Variants in NBPF11 observed in about 807,000 individuals in gnomAD.
NBPF11 encodes NBPF family member NBPF11.
Under a neutral mutation model 93.9 loss-of-function variants are expected in NBPF11, and 72 were observed. The ratio of observed to expected loss-of-function variants is 0.77; its 90% CI spans 0.63 to 0.93. NBPF11 has a LOEUF of 0.93. Ranked by LOEUF, NBPF11 falls within the 40% of genes least tolerant of loss-of-function variation. NBPF11 has a pLI of 0.00. For synonymous variants in NBPF11, 224 were observed against 304.9 expected, an observed-to-expected ratio of 0.73 and a Z score of 2.76; for missense variants, 705 against 802.2, an observed-to-expected ratio of 0.88 and a Z score of 1.46.
Position 148,124,888 on chromosome 1 carries a change from G to T in NBPF11, c.278+11C>A. 1 of 1,608,148 alleles carries T rather than the reference G, an allele frequency of 6.2e-7. No homozygotes were observed. Among genetic ancestry groups the T allele is most frequent in the African/African-American group, 1.3e-5 (1 of 74,878 alleles). On this transcript the variant is annotated intron_variant, in intron 6 of 23. Transcript: ENST00000682118. ...CCTACCTGCCTGTCTCCCCCTACGG[G>T]GTCCCCTCACCTGAGCTCCTCAGCT...
chr1:148,109,675 C>G (rs1207401530), intron 16 of NBPF11, among the ~76,000 whole-genome samples: 1 of 135,658 alleles, frequency 7.4e-6, no homozygotes, highest in East Asian at 2.0e-4. Flanking sequence ...TAAGCTTTCT[C>G]TCATCAAATA....
chr1:148,125,169 AT>A (rs1668809310), intron 5 of NBPF11, among the ~76,000 whole-genome samples, 168 bp from the exon 6 acceptor site: 1 of 152,014 alleles, frequency 6.6e-6, no homozygotes, highest in Admixed American at 6.5e-5. Context: ...ACTTTCTGGC[AT>A]CTGATCCTCC....
intron 14 of NBPF11, among the ~76,000 whole-genome samples, chr1:148,114,822 A>G (rs1553269137): frequency 6.6e-6 from 1 of 150,600 alleles, no homozygotes; most frequent in Non-Finnish European, 1.5e-5. Context: ...GACTTATATC[A>G]CCAGGTAACA....
chr1:148,152,077 C>T lies in NBPF11; in HGVS notation c.-876G>A, dbSNP rs1199597034. ...CCTCTACCGCACAGCGGGTTCGGGC[C>T]GCGGGCCGAGAAAAGGAGTAATGGA... On this transcript the variant is annotated 5_prime_UTR_variant, in exon 1 of 24. Transcript: ENST00000682118. The T allele has an allele frequency of 1.3e-5, 2 of 152,254 alleles. No homozygotes were observed. The highest frequency in any genetic ancestry group is 4.8e-5 in the African/African-American group (2 of 41,426). 9.4% of individuals were successfully genotyped at this position (152,254 alleles called of 1,614,324 possible).
intron 5 of NBPF11, 82 bp from the exon 6 acceptor site, chr1:148,125,083 C>T: frequency 1.1e-6 from 1 of 870,834 alleles, no homozygotes; most frequent in Non-Finnish European, 1.9e-6. Flanking sequence ...GGAGCCAGGT[C>T]CATCCCAAGG....
chr1:148,114,804 G>A (rs1373766017), intron 14 of NBPF11, among the ~76,000 whole-genome samples: 1 of 149,028 alleles, frequency 6.7e-6, no homozygotes, highest in Non-Finnish European at 1.5e-5. Context: ...GAGTGTTGCT[G>A]CAATACGGAC....
At chr1:148,142,112 A>T (rs1257057370) in intron 2 of NBPF11, among the ~76,000 whole-genome samples, 1 of 147,854 alleles carries the variant, frequency 6.8e-6, no homozygotes, top group East Asian at 2.1e-4. Flanking sequence ...GAGGGAGGGA[A>T]AGAATAAAGA....
Position 148,126,982 on chromosome 1 carries a change from A to T in NBPF11, c.22T>A (p.Trp8Arg). MVVSAGP[W>R]SSEKAEMNIL... Reference sequence around the variant, plus strand: ...TTCATCTCTGCCTTCTCGCTGGACCAAGGGCCGGCTGATACCACCATGCTG... The same window carrying T: ...TTCATCTCTGCCTTCTCGCTGGACCTAGGGCCGGCTGATACCACCATGCTG... The change falls in exon 5 of 24, where the codon TGG (tryptophan) becomes AGG (arginine). Residue 8 changes from tryptophan (W) to arginine (R), a missense_variant. Trp to Arg is a moderately radical substitution (Grantham distance 101). Coordinates refer to ENST00000682118, the MANE Select transcript of NBPF11 (RefSeq NM_001385469.3). 1 of 781,708 alleles carries T rather than the reference A, an allele frequency of 1.3e-6. No homozygotes were observed. Among genetic ancestry groups the T allele is most frequent in the Non-Finnish European group, 2.1e-6 (1 of 466,620 alleles). 48.4% of individuals were successfully genotyped at this position (781,708 alleles called of 1,614,324 possible).
chr1:148,118,012 A>G (rs1161939316), intron 11 of NBPF11, among the ~76,000 whole-genome samples: 2 of 151,864 alleles, frequency 1.3e-5, no homozygotes, highest in African/African-American at 4.9e-5. Context: ...TGTTCCATTC[A>G]TCTTTCCTTC....
chr1:148,142,525 G>A (rs1177953662), intron 2 of NBPF11, among the ~76,000 whole-genome samples: 3 of 151,676 alleles, frequency 2.0e-5, no homozygotes, highest in Admixed American at 6.6e-5. Flanking sequence ...TCAGCCCCTG[G>A]GTCTGACATC....
chr1:148,149,889 C>T (rs1282297741), intron 1 of NBPF11, among the ~76,000 whole-genome samples: 5 of 151,160 alleles, frequency 3.3e-5, no homozygotes, highest in African/African-American at 1.2e-4. Flanking sequence ...AAGTTGAAAC[C>T]GCATTGATAT....
At chr1:148,142,568 T>G (rs1672364422) in intron 2 of NBPF11, among the ~76,000 whole-genome samples, 1 of 151,998 alleles carries the variant, frequency 6.6e-6, no homozygotes, top group East Asian at 1.9e-4. Context: ...ACTTCCCTCC[T>G]TGCACTGGCT....
intron 18 of NBPF11, 22 bp downstream of exon 18, chr1:148,108,460 A>C (rs1571411133): frequency 6.9e-7 from 1 of 1,455,256 alleles, no homozygotes. Context: ...GATCCTTATC[A>C]CCTTCATAGA....
chr1:148,126,353 G>A (rs1408970529), intron 5 of NBPF11, among the ~76,000 whole-genome samples: 12 of 151,664 alleles, frequency 7.9e-5, no homozygotes, highest in African/African-American at 2.7e-4. Flanking sequence ...TCTATTAGGA[G>A]CAGACTCCTC....
In NBPF11 at chr1:148,113,359, A is replaced by T. The variant is rs1357020757; in HGVS notation, c.1637+1078T>A. On this transcript the variant is annotated intron_variant, in intron 15 of 23. Coordinates refer to ENST00000682118, the MANE Select transcript of NBPF11 (RefSeq NM_001385469.3). Reference sequence around the variant, plus strand: ...AACAGACTTTAAACCAACAAAGATCAAAAGAGACAAAGAAGGCCACTACAT... The same window carrying T: ...AACAGACTTTAAACCAACAAAGATCTAAAGAGACAAAGAAGGCCACTACAT... Among the ~76,000 whole-genome samples the T allele has an allele frequency of 1.3e-3, 202 of 152,028 alleles. 2 individuals carry two copies. The highest frequency in any genetic ancestry group is 4.7e-4 in the Non-Finnish European group (32 of 68,026).
At chr1:148,105,664 T>A (rs1663376446) in intron 21 of NBPF11, 136 bp from the exon 22 acceptor site, 8 of 630,168 alleles carry the variant, frequency 1.3e-5, no homozygotes, top group African/African-American at 2.4e-5. Flanking sequence ...TAACAAATTA[T>A]TGCCTTCATG....
At chr1:148,149,475 G>A in intron 1 of NBPF11, 1 of 1,591,054 alleles carries the variant, frequency 6.3e-7, no homozygotes, top group Non-Finnish European at 8.5e-7. Flanking sequence ...TGGGTGGAGG[G>A]CGCCGGGCAC....
rs1477795758 is a variant in NBPF11 at position 148,147,909 on chromosome 1, C to T, written c.-549+3841G>A. ...CAGCTCTGAGCTCTGTCTGCTCGGCCATCTGTCCTGCTGCCCCTTTGTCCT... is the reference window on the plus strand; with the variant it reads ...CAGCTCTGAGCTCTGTCTGCTCGGCTATCTGTCCTGCTGCCCCTTTGTCCT... On this transcript the variant is annotated intron_variant, in intron 1 of 23. Transcript: ENST00000682118. Among the ~76,000 whole-genome samples, 1,120 of 152,176 alleles carry T rather than the reference C, an allele frequency of 7.4e-3. 27 individuals are homozygous for T. Among genetic ancestry groups the T allele is most frequent in the Admixed American group, 0.051 (781 of 15,294 alleles).
intron 2 of NBPF11, among the ~76,000 whole-genome samples, chr1:148,138,025 G>T (rs1490031166): frequency 6.6e-6 from 1 of 151,270 alleles, no homozygotes; most frequent in East Asian, 1.9e-4. Context: ...ATCATTATTG[G>T]GCGTTTCCGG....
Sources: allele counts gnomAD v4.1 joint callset (sites outside exome capture counted in the v4.1 genomes callset), GRCh38; gene constraint gnomAD v4.1.1; transcripts MANE v1.5; gene names NCBI Gene and HGNC (gene_info 2026-07-23, HGNC 2026-07-21).